RGS3: variants seen among roughly 807,000 people sequenced by gnomAD.
RGS3 encodes regulator of G protein signaling 3.
In RGS3, 80 loss-of-function variants were observed where a neutral mutation model predicts 132.6. The ratio of observed to expected loss-of-function variants is 0.60; its 90% confidence interval spans 0.50 to 0.73. The LOEUF (loss-of-function observed/expected upper bound fraction) is 0.73. Ranked by LOEUF, RGS3 falls within the 30% of genes least tolerant of loss-of-function variation. The pLI is 0.00. For synonymous variants in RGS3, 598 were observed against 620.6 expected, an observed-to-expected ratio of 0.96 and a Z score of 0.54; for missense variants, 1,382 against 1,530.8, an observed-to-expected ratio of 0.90 and a Z score of 1.62.
intron 19 of RGS3, among the ~76,000 whole-genome samples, chr9:113,562,440 G>GCACT (rs2118826494): frequency 6.9e-6 from 1 of 144,714 alleles, no homozygotes; most frequent in African/African-American, 2.6e-5. Context: ...TCGTGCCACT[G>GCACT]CACTCCAGCC....
In RGS3 at chr9:113,506,578, G is replaced by A. The variant is rs1339865243; in HGVS notation, c.1085+85G>A. On this transcript the variant is annotated intron_variant, in intron 12 of 24. Transcript: ENST00000350696. The surrounding 1 kb of genome is among the most constrained non-coding windows in gnomAD (Gnocchi z 4.7). ...TGGGCACACTGCCTTGCCTGGCCCA[G>A]CTCTTGCTGCTCCCTCTTTTGCCTA... 8 of 818,942 alleles carry A rather than the reference G, an allele frequency of 9.8e-6. No homozygotes were observed. The highest frequency in any genetic ancestry group is 1.6e-5 in the Non-Finnish European group (8 of 495,568). The allele number at this position is 818,942 out of a possible 1,614,324, so 50.7% of individuals were successfully genotyped here.
chr9:113,499,823 T>C (rs1163981114), intron 10 of RGS3, among the ~76,000 whole-genome samples: 1 of 152,236 alleles, frequency 6.6e-6, no homozygotes, highest in Non-Finnish European at 1.5e-5. Flanking sequence ...TCAGTTTACC[T>C]GGCACATGTG....
At chr9:113,575,214 C>T (rs1366176082) in intron 19 of RGS3, among the ~76,000 whole-genome samples, 1 of 152,162 alleles carries the variant, frequency 6.6e-6, no homozygotes, top group Non-Finnish European at 1.5e-5. Context: ...AGGCGATAGC[C>T]AAGAGTAGGA....
In RGS3 at chr9:113,565,690, G is replaced by T. The variant is rs150556267; in HGVS notation, c.2038-17760G>T. The T allele has an allele frequency of 3.3e-5, 9 of 275,680 alleles. No homozygotes were observed. The highest frequency in any genetic ancestry group is 5.8e-5 in the Non-Finnish European group (8 of 137,936). The allele number at this position is 275,680 out of a possible 1,614,324, so 17.1% of individuals were successfully genotyped here. A position where few individuals can be genotyped will look rare whatever the true frequency, so the allele number is the denominator to read the frequency against. On this transcript the variant is annotated intron_variant, in intron 19 of 24. Transcript: ENST00000350696. This position sits in a 1 kb window ranked among gnomAD's most constrained non-coding sequence, Gnocchi z 5.7. The stretch of plus-strand genomic sequence containing the variant: ...CCTGGGCGGGCGAGCTGGCAGGAGC[G>T]GCAGCCAGGAGTCGCCTGGGTCCCT...
intron 14 of RGS3, 58 bp from the exon 13 acceptor site, chr9:113,514,400 G>A (rs1831550650): frequency 3.4e-6 from 5 of 1,485,376 alleles, no homozygotes; most frequent in Non-Finnish European, 4.6e-6. Flanking sequence ...TTCTACAGAG[G>A]GGACACCTTT....
At chr9:113,573,238 C>T (rs1834367228) in intron 19 of RGS3, among the ~76,000 whole-genome samples, 1 of 152,212 alleles carries the variant, frequency 6.6e-6, no homozygotes. Flanking sequence ...AGTTGTTCAT[C>T]AGCAATAGGC....
chr9:113,574,718 G>C (rs528645014), intron 19 of RGS3, among the ~76,000 whole-genome samples: 102 of 152,304 alleles, frequency 6.7e-4, no homozygotes, highest in Middle Eastern at 6.8e-3. Flanking sequence ...AGACTTGAGG[G>C]ATAGAGAGCT....
chr9:113,476,751 C>T (rs541367377), intron 3 of RGS3, among the ~76,000 whole-genome samples: 2 of 152,358 alleles, frequency 1.3e-5, no homozygotes, highest in Non-Finnish European at 2.9e-5. Flanking sequence ...ACCTGCCCAG[C>T]CTCGTGCAGA....
In RGS3 at chr9:113,506,127, T is replaced by C. The variant is rs926139484; in HGVS notation, c.980-261T>C. On this transcript the variant is annotated intron_variant, in intron 11 of 24. Coordinates refer to ENST00000350696, the Ensembl canonical transcript of RGS3. The surrounding 1 kb of genome is among the most constrained non-coding windows in gnomAD (Gnocchi z 4.7). Reference sequence around the variant, plus strand: ...AGGGGTAAGGGCCCGGGTAGAAGGGTGGACTGCAGAGAGGTAAGCCAGCAG... The same window carrying C: ...AGGGGTAAGGGCCCGGGTAGAAGGGCGGACTGCAGAGAGGTAAGCCAGCAG... 6.6e-6 allele frequency among the ~76,000 whole-genome samples: 1 copy of C among 151,340 alleles called. No homozygotes were observed. The highest frequency in any genetic ancestry group is 1.9e-4 in the East Asian group (1 of 5,154).
chr9:113,586,867 G>A (rs1474879250), intron 20 of RGS3, among the ~76,000 whole-genome samples: 2 of 152,192 alleles, frequency 1.3e-5, no homozygotes, highest in East Asian at 3.9e-4. Flanking sequence ...AGGGTTGCTG[G>A]GAAAATTAAA....
intron 4 of RGS3, among the ~76,000 whole-genome samples, chr9:113,482,185 C>T (rs1481385238): frequency 1.3e-5 from 2 of 152,120 alleles, no homozygotes; most frequent in Non-Finnish European, 2.9e-5. Context: ...GCTGCCTACT[C>T]TTGTGACCAC....
chr9:113,541,435 C>G (rs1226316489), intron 19 of RGS3: 1 of 1,612,990 alleles, frequency 6.2e-7, no homozygotes, highest in Admixed American at 1.7e-5. Context: ...TGAGCAAACC[C>G]AAGGGCGGGA....
intron 19 of RGS3, among the ~76,000 whole-genome samples, chr9:113,577,740 C>T (rs1276965048): frequency 6.6e-6 from 1 of 152,200 alleles, no homozygotes; most frequent in East Asian, 1.9e-4. Context: ...GCCCCTTGAG[C>T]AGATTTCGGT....
chr9:113,501,164 G>C (rs974688386), intron 10 of RGS3, among the ~76,000 whole-genome samples: 3 of 152,274 alleles, frequency 2.0e-5, no homozygotes, highest in South Asian at 2.1e-4. Context: ...GGACTTGCAG[G>C]GGGAGGAGGT....
At chr9:113,494,489 G>A (rs879847395) in intron 7 of RGS3, among the ~76,000 whole-genome samples, 2 of 152,066 alleles carry the variant, frequency 1.3e-5, no homozygotes, top group Non-Finnish European at 2.9e-5. Context: ...CTCTGTTGCT[G>A]CAACTGCCTC....
upstream of RGS3, among the ~76,000 whole-genome samples, chr9:113,459,438 G>A (rs2119155040): frequency 6.6e-6 from 1 of 152,226 alleles, no homozygotes; most frequent in Non-Finnish European, 1.5e-5. Context: ...CAATAAGGTT[G>A]CAGTGGTTTT....
intron 23 of RGS3, 117 bp from the exon 22 acceptor site, chr9:113,595,482 C>A: frequency 8.7e-7 from 1 of 1,151,948 alleles, no homozygotes; most frequent in Non-Finnish European, 1.2e-6. Context: ...CGGGGACGGG[C>A]ATTGTACTCA....
chr9:113,455,295 T>C (rs1829341772), upstream of RGS3, among the ~76,000 whole-genome samples: 1 of 152,206 alleles, frequency 6.6e-6, no homozygotes. Flanking sequence ...CCATCTTGGC[T>C]GGAAACAGAA....
chr9:113,524,951 A>G (rs911975048), intron 17 of RGS3, among the ~76,000 whole-genome samples: 1 of 152,178 alleles, frequency 6.6e-6, no homozygotes, highest in Non-Finnish European at 1.5e-5. Flanking sequence ...GGGGTGTCAC[A>G]GAGACTCTCC....
Sources: gnomAD v4.1 joint callset for allele counts (sites outside exome capture counted in the v4.1 genomes callset) on GRCh38, gnomAD v4.1.1 for gene constraint, Gnocchi (gnomAD v3.1) non-coding constraint, MANE v1.5 for transcripts, NCBI Gene and HGNC (gene_info 2026-07-23, HGNC 2026-07-21) for gene names.